Variants in AUTS2 observed in about 807,000 individuals in gnomAD.
AUTS2 encodes the protein activator of transcription and developmental regulator AUTS2, also known as autism susceptibility gene 2 protein.
In AUTS2, 17 loss-of-function variants were observed where a neutral mutation model predicts 112.4. That is an observed-to-expected ratio of 0.15 (90% confidence interval 0.10 to 0.23). AUTS2 has a LOEUF of 0.23. AUTS2 is among the 10% of genes least tolerant of loss of function. The pLI, the probability that AUTS2 is intolerant of heterozygous loss-of-function variation, is 1.00. For synonymous variants in AUTS2, 751 were observed against 702.7 expected (o/e 1.07, Z -1.09); for missense variants, 1,510 against 1,701.6 (o/e 0.89, Z 1.98).
chr7:69,838,696 A>G (rs750133299), intron 1 of AUTS2, among the ~76,000 whole-genome samples: 1 of 152,152 alleles, frequency 6.6e-6, no homozygotes, highest in Non-Finnish European at 1.5e-5. Context: ...CTTTAAATGG[A>G]GATATTACTA....
At chr7:69,746,022 C>T (rs1326070048) in intron 1 of AUTS2, among the ~76,000 whole-genome samples, 1 of 152,006 alleles carries the variant, frequency 6.6e-6, no homozygotes, top group Non-Finnish European at 1.5e-5. Flanking sequence ...TACAGGCGTG[C>T]CTCGCTAATT....
At chr7:69,694,903 A>G (rs1001772699) in intron 1 of AUTS2, among the ~76,000 whole-genome samples, 5 of 152,220 alleles carry the variant, frequency 3.3e-5, no homozygotes, top group African/African-American at 1.2e-4. Flanking sequence ...AAAGGGGTTT[A>G]AAATATGTAC....
intron 5 of AUTS2, among the ~76,000 whole-genome samples, chr7:70,647,967 C>T (rs1487055114): frequency 6.6e-6 from 1 of 152,082 alleles, no homozygotes; most frequent in Non-Finnish European, 1.5e-5. Flanking sequence ...GAAATGTCAC[C>T]CCATGGCCTG....
chr7:70,002,345 C>T (rs1584554764), intron 2 of AUTS2, among the ~76,000 whole-genome samples: 1 of 152,192 alleles, frequency 6.6e-6, no homozygotes, highest in East Asian at 1.9e-4. Flanking sequence ...AATTTTATAA[C>T]TTTTTCCAGT....
chr7:70,381,121 CA>C (rs1356590674), intron 4 of AUTS2, among the ~76,000 whole-genome samples: 1 of 152,068 alleles, frequency 6.6e-6, no homozygotes, highest in Non-Finnish European at 1.5e-5. Context: ...CTGGGGAAAA[CA>C]CTGAAATAGG....
At chr7:70,640,442 A>AAAC (rs1554448409) in intron 5 of AUTS2, among the ~76,000 whole-genome samples, 1 of 149,372 alleles carries the variant, frequency 6.7e-6, no homozygotes, top group East Asian at 2.0e-4. Flanking sequence ...AAAAAAAAAA[A>AAAC]CCATAAAAAA....
chr7:70,147,349 AC>A (rs1807183062), intron 4 of AUTS2, among the ~76,000 whole-genome samples: 1 of 152,172 alleles, frequency 6.6e-6, no homozygotes, highest in African/African-American at 2.4e-5. Context: ...AAGAAAATCC[AC>A]AGTTATAGAT....
rs978317235 is a variant in AUTS2 at position 70,793,496 on chromosome 7, T to C, written c.*2500T>C. The C allele has an allele frequency of 6.6e-6, 1 of 152,216 alleles. No individual in the cohort carries two copies. The highest frequency in any genetic ancestry group is 2.4e-5 in the African/African-American group (1 of 41,444). The allele number at this position is 152,216 out of a possible 1,614,324, so 9.4% of individuals were successfully genotyped here. A position where few individuals can be genotyped will look rare whatever the true frequency, so the allele number is the denominator to read the frequency against. ...AACAAAAAAATGTTAAATTTTCTTATACCGACCTGATGAAATTGCTATTTG... is the reference window on the plus strand; with the variant it reads ...AACAAAAAAATGTTAAATTTTCTTACACCGACCTGATGAAATTGCTATTTG... On this transcript the variant is annotated 3_prime_UTR_variant, in exon 19 of 19. Coordinates refer to ENST00000342771, the MANE Select transcript of AUTS2 (RefSeq NM_015570.4).
intron 1 of AUTS2, among the ~76,000 whole-genome samples, chr7:69,604,517 A>G (rs1792606623): frequency 6.6e-6 from 1 of 152,246 alleles, no homozygotes; most frequent in Admixed American, 6.5e-5. Flanking sequence ...TTTTAGAGAC[A>G]GGCTAGTGAG....
chr7:69,792,353 C>G (rs1055472720), intron 1 of AUTS2, among the ~76,000 whole-genome samples: 1 of 151,992 alleles, frequency 6.6e-6, no homozygotes, highest in African/African-American at 2.4e-5. Flanking sequence ...CATTCTCCTG[C>G]CTCAGCCTCC....
intron 2 of AUTS2, among the ~76,000 whole-genome samples, chr7:69,935,254 C>T (rs1796366304): frequency 6.6e-6 from 1 of 151,998 alleles, no homozygotes; most frequent in African/African-American, 2.4e-5. Flanking sequence ...TTAAGTATTG[C>T]TTAGGAGGTG....
In AUTS2 at chr7:69,602,197, G is replaced by A. The variant is rs966604455; in HGVS notation, c.309+2235G>A. The stretch of plus-strand genomic sequence containing the variant: ...ATTTATTTGGCTTTTGCGAGAAAAT[G>A]TGCTCATTTTAATTTATTTTGTGCC... On this transcript the variant is annotated intron_variant, in intron 1 of 18. Coordinates refer to ENST00000342771, the MANE Select transcript of AUTS2 (RefSeq NM_015570.4). Among the ~76,000 whole-genome samples the A allele has an allele frequency of 2.6e-5, 4 of 151,818 alleles. No homozygotes were observed. The East Asian group carries it at 5.8e-4, about 22-fold the overall frequency.
intron 5 of AUTS2, among the ~76,000 whole-genome samples, chr7:70,467,817 A>C (rs1336511930): frequency 6.6e-6 from 1 of 152,224 alleles, no homozygotes; most frequent in Non-Finnish European, 1.5e-5. Context: ...CTGTGGTCCG[A>C]AGCCAGCACC....
At chr7:70,566,655 A>T (rs1801720840) in intron 5 of AUTS2, among the ~76,000 whole-genome samples, 2 of 152,216 alleles carry the variant, frequency 1.3e-5, no homozygotes, top group African/African-American at 4.8e-5. Context: ...ATGCTAAGTT[A>T]GCATGTCCAA....
chr7:70,285,728 A>G (rs1788428370), intron 4 of AUTS2, among the ~76,000 whole-genome samples: 1 of 152,144 alleles, frequency 6.6e-6, no homozygotes, highest in Admixed American at 6.6e-5. Flanking sequence ...ATGTTTGTGT[A>G]TGTCTTTGTA....
At chr7:70,637,279 T>G (rs1169735301) in intron 5 of AUTS2, among the ~76,000 whole-genome samples, 2 of 152,212 alleles carry the variant, frequency 1.3e-5, no homozygotes, top group Non-Finnish European at 2.9e-5. Flanking sequence ...TGGTTTGATG[T>G]GGGGCTCGGC....
chr7:70,406,853 A>G lies in AUTS2; in HGVS notation c.661-28899A>G, dbSNP rs552486664. Among the ~76,000 whole-genome samples, 3 of 152,258 alleles carry G rather than the reference A, an allele frequency of 2.0e-5. No individual in the cohort carries two copies. The East Asian group carries it at 5.8e-4, about 29-fold the overall frequency. Reference sequence around the variant, plus strand: ...TCTTGGTAGCAAAGCAAAATTAACAACCCAGCCGCATCTGTGTACAGTATG... The same window carrying G: ...TCTTGGTAGCAAAGCAAAATTAACAGCCCAGCCGCATCTGTGTACAGTATG... On this transcript the variant is annotated intron_variant, in intron 4 of 18. Transcript: ENST00000342771.
chr7:70,151,916 A>T (rs545775074), intron 4 of AUTS2, among the ~76,000 whole-genome samples: 1 of 152,354 alleles, frequency 6.6e-6, no homozygotes, highest in South Asian at 2.1e-4. Context: ...ATCAGAACTG[A>T]ATCAGATGTT....
intron 5 of AUTS2, among the ~76,000 whole-genome samples, chr7:70,633,738 A>C (rs553275400): frequency 6.6e-6 from 1 of 152,206 alleles, no homozygotes; most frequent in South Asian, 2.1e-4. Context: ...TTGAATGTGA[A>C]CCGTCTATTA....
Sources: allele counts gnomAD v4.1 joint callset (sites outside exome capture counted in the v4.1 genomes callset), GRCh38; gene constraint gnomAD v4.1.1; transcripts MANE v1.5; gene names NCBI Gene and HGNC (gene_info 2026-07-23, HGNC 2026-07-21).